Variants in CACNA2D3 observed in about 807,000 individuals in gnomAD.
The protein encoded by CACNA2D3 is calcium voltage-gated channel auxiliary subunit alpha2delta 3.
In CACNA2D3, 60 loss-of-function variants were observed where a neutral mutation model predicts 160.6. That is an observed-to-expected ratio of 0.37 (90% CI 0.30 to 0.46). CACNA2D3 has a LOEUF of 0.46. Ranked by LOEUF, CACNA2D3 falls within the 20% of genes least tolerant of loss-of-function variation. CACNA2D3 has a pLI of 1.00. For missense variants in CACNA2D3, 1,205 were observed against 1,365.0 expected, an observed-to-expected ratio of 0.88 and a Z score of 1.85; for synonymous variants, 558 against 492.9, an observed-to-expected ratio of 1.13 and a Z score of -1.75.
chr3:54,548,338 C>A (rs1231030392), intron 5 of CACNA2D3, among the ~76,000 whole-genome samples: 1 of 152,240 alleles, frequency 6.6e-6, no homozygotes, highest in Non-Finnish European at 1.5e-5. Context: ...ATTTCTCCAA[C>A]ATCATGAAAT....
intron 2 of CACNA2D3, among the ~76,000 whole-genome samples, chr3:54,221,481 G>A (rs1701568721): frequency 6.6e-6 from 1 of 152,170 alleles, no homozygotes; most frequent in Non-Finnish European, 1.5e-5. Flanking sequence ...AGAACCATTT[G>A]CGGTTGTTCC....
intron 4 of CACNA2D3, among the ~76,000 whole-genome samples, chr3:54,478,734 C>G (rs942126555): frequency 1.5e-5 from 1 of 64,698 alleles, no homozygotes; most frequent in African/African-American, 4.6e-5. Flanking sequence ...TGCATCTTCC[C>G]TTTGTCAGGT....
chr3:54,240,016 TAA>T (rs1701946315), intron 2 of CACNA2D3, among the ~76,000 whole-genome samples: 1 of 152,354 alleles, frequency 6.6e-6, no homozygotes, highest in Non-Finnish European at 1.5e-5. Context: ...AGGCCAGGAA[TAA>T]AGTTTGCATA....
chr3:54,567,519 T>G (rs1235045479), intron 6 of CACNA2D3, among the ~76,000 whole-genome samples: 1 of 151,916 alleles, frequency 6.6e-6, no homozygotes, highest in Non-Finnish European at 1.5e-5. Flanking sequence ...TTTTGTTTGT[T>G]GTTTGTTGTT....
chr3:54,404,743 A>T lies in CACNA2D3; in HGVS notation c.381+17969A>T, dbSNP rs368417153. Among the ~76,000 whole-genome samples the T allele has an allele frequency of 2.3e-3, 344 of 152,186 alleles. 1 individual carries two copies. The highest frequency in any genetic ancestry group is 0.01 in the Middle Eastern group (3 of 292). On this transcript the variant is annotated intron_variant, in intron 4 of 37. Coordinates refer to ENST00000474759, the MANE Select transcript of CACNA2D3 (RefSeq NM_018398.3). ...TTATGTAGAAAACCCCAAAGACTCCACCAAAAAGCTGTTAGATCTCAATAA... is the reference window on the plus strand; with the variant it reads ...TTATGTAGAAAACCCCAAAGACTCCTCCAAAAAGCTGTTAGATCTCAATAA...
At chr3:54,457,923 T>G (rs1345212436) in intron 4 of CACNA2D3, among the ~76,000 whole-genome samples, 1 of 152,044 alleles carries the variant, frequency 6.6e-6, no homozygotes, top group Non-Finnish European at 1.5e-5. Context: ...TAGTTTCTAT[T>G]TGTATGGATA....
At chr3:54,768,204 A>G (rs1014209474) in intron 13 of CACNA2D3, among the ~76,000 whole-genome samples, 2 of 152,152 alleles carry the variant, frequency 1.3e-5, no homozygotes, top group African/African-American at 4.8e-5. Flanking sequence ...TACTATGTAC[A>G]CTGTCTTAGT....
At position 54,370,652 on chromosome 3, in the gene CACNA2D3, A is replaced by C. The variant is rs546457506; in HGVS notation, c.322-16063A>C. 3.9e-5 allele frequency among the ~76,000 whole-genome samples: 6 copies of C among 152,276 alleles called. No homozygotes were observed. The South Asian group carries it at 1.2e-3, about 32-fold the overall frequency. ...TTATTGTACCCATTAAAGAACACCAAACAACATTGCACTCTAATATACTAG... is the reference window on the plus strand; with the variant it reads ...TTATTGTACCCATTAAAGAACACCACACAACATTGCACTCTAATATACTAG... On this transcript the variant is annotated intron_variant, in intron 3 of 37. Coordinates refer to ENST00000474759, the MANE Select transcript of CACNA2D3 (RefSeq NM_018398.3).
chr3:54,480,483 T>G (rs996103071), intron 4 of CACNA2D3, among the ~76,000 whole-genome samples: 1 of 152,206 alleles, frequency 6.6e-6, no homozygotes, highest in Non-Finnish European at 1.5e-5. Flanking sequence ...AACGTGATTT[T>G]TAGTTCCCCT....
At chr3:54,472,371 A>G (rs1700749393) in intron 4 of CACNA2D3, among the ~76,000 whole-genome samples, 1 of 152,220 alleles carries the variant, frequency 6.6e-6, no homozygotes, top group Non-Finnish European at 1.5e-5. Context: ...AACTTTCAAT[A>G]AACTAGGTGT....
chr3:54,373,330 G>A (rs1387343511), intron 3 of CACNA2D3, among the ~76,000 whole-genome samples: 1 of 152,140 alleles, frequency 6.6e-6, no homozygotes, highest in African/African-American at 2.4e-5. Context: ...AAATAAGCCC[G>A]CTTGGTCTTA....
rs182670109 is a variant in CACNA2D3 at position 54,464,563 on chromosome 3, T to C, written c.382-38929T>C. Among the ~76,000 whole-genome samples, 733 of 152,250 alleles carry C rather than the reference T, an allele frequency of 4.8e-3. 4 individuals are homozygous for C. The highest frequency in any genetic ancestry group is 0.014 in the Middle Eastern group (4 of 294). ...AGCAATCAGCAAGACTCCGTGGGCGTAGGACCCTCCGAGCCAAGTGCGGGA... is the reference window on the plus strand; with the variant it reads ...AGCAATCAGCAAGACTCCGTGGGCGCAGGACCCTCCGAGCCAAGTGCGGGA... On this transcript the variant is annotated intron_variant, in intron 4 of 37. Transcript: ENST00000474759.
At chr3:54,141,136 G>A (rs1322775198) in intron 2 of CACNA2D3, among the ~76,000 whole-genome samples, 4 of 137,670 alleles carry the variant, frequency 2.9e-5, no homozygotes, top group African/African-American at 1.1e-4. Context: ...CATATTAGAT[G>A]TAGACTCATG....
intron 2 of CACNA2D3, among the ~76,000 whole-genome samples, chr3:54,252,581 C>T (rs957952266): frequency 6.6e-5 from 10 of 152,176 alleles, no homozygotes; most frequent in Admixed American, 2.6e-4. Context: ...TGTGTGAGGA[C>T]TTTGGTTGTC....
At chr3:54,648,679 G>C (rs375419898) in intron 11 of CACNA2D3, among the ~76,000 whole-genome samples, 1 of 152,240 alleles carries the variant, frequency 6.6e-6, no homozygotes, top group Admixed American at 6.5e-5. Context: ...ATAAAGAAAA[G>C]AGGTGTATAT....
At chr3:55,016,099 G>GAGCT (rs1427044120) in intron 34 of CACNA2D3, among the ~76,000 whole-genome samples, 1 of 152,206 alleles carries the variant, frequency 6.6e-6, no homozygotes, top group Non-Finnish European at 1.5e-5. Context: ...TCCCTCCAAT[G>GAGCT]AGCTAGCATC....
intron 4 of CACNA2D3, among the ~76,000 whole-genome samples, chr3:54,416,048 TA>T (rs1215892014): frequency 6.6e-6 from 1 of 152,216 alleles, no homozygotes; most frequent in Non-Finnish European, 1.5e-5. Context: ...AATAACTTAG[TA>T]AAAATGATTA....
intron 4 of CACNA2D3, among the ~76,000 whole-genome samples, chr3:54,466,255 G>A (rs1423884107): frequency 6.6e-6 from 1 of 152,152 alleles, no homozygotes; most frequent in Non-Finnish European, 1.5e-5. Flanking sequence ...GACTACCACA[G>A]TGAGTGTTGT....
At chr3:54,616,845 C>T (rs1698862456) in intron 9 of CACNA2D3, among the ~76,000 whole-genome samples, 1 of 152,012 alleles carries the variant, frequency 6.6e-6, no homozygotes, top group Non-Finnish European at 1.5e-5. Flanking sequence ...GAGTACCTAC[C>T]TTCTGTCTGG....
Sources: allele counts gnomAD v4.1 joint callset (sites outside exome capture counted in the v4.1 genomes callset), GRCh38; gene constraint gnomAD v4.1.1; transcripts MANE v1.5; gene names NCBI Gene and HGNC (gene_info 2026-07-23, HGNC 2026-07-21).